GRID2: variants seen among roughly 807,000 people sequenced by gnomAD.
The protein encoded by GRID2 is glutamate ionotropic receptor delta type subunit 2.
A neutral mutation model predicts 114.8 loss-of-function variants in GRID2; 33 were observed. The observed-to-expected ratio is 0.29, with a 90% CI of 0.22 to 0.38. GRID2 has a LOEUF of 0.38. Ranked by LOEUF, GRID2 falls within the 10% of genes least tolerant of loss-of-function variation. GRID2 has a pLI of 1.00. For synonymous variants in GRID2, 505 were observed against 449.9 expected (o/e 1.12, Z -1.55); for missense variants, 1,184 against 1,257.7 (o/e 0.94, Z 0.89).
intron 10 of GRID2, among the ~76,000 whole-genome samples, chr4:93,436,968 G>A (rs933196851): frequency 1.3e-5 from 2 of 152,068 alleles, no homozygotes; most frequent in Admixed American, 6.6e-5. Context: ...ACAAAATAAT[G>A]TAAATGTGTT....
chr4:92,583,629 A>G (rs1728280383), intron 1 of GRID2, among the ~76,000 whole-genome samples: 1 of 147,178 alleles, frequency 6.8e-6, no homozygotes, highest in Admixed American at 6.7e-5. Flanking sequence ...TATCAACTTA[A>G]TTAATATTTC....
At chr4:92,340,769 A>G (rs1338156736) in intron 1 of GRID2, among the ~76,000 whole-genome samples, 2 of 152,150 alleles carry the variant, frequency 1.3e-5, no homozygotes, top group African/African-American at 2.4e-5. Context: ...TACCATATTT[A>G]TTATCAGCCT....
At chr4:93,729,595 G>T (rs754722963) in intron 14 of GRID2, among the ~76,000 whole-genome samples, 26 of 151,422 alleles carry the variant, frequency 1.7e-4, no homozygotes, top group Non-Finnish European at 2.9e-4. Flanking sequence ...GCACAGGCTG[G>T]AGTGCAGTGG....
At chr4:92,453,361 A>C (rs1004956428) in intron 1 of GRID2, among the ~76,000 whole-genome samples, 9 of 152,172 alleles carry the variant, frequency 5.9e-5, no homozygotes, top group Admixed American at 2.0e-4. Flanking sequence ...TCTTTTAGAA[A>C]TGGACCTGTC....
intron 2 of GRID2, among the ~76,000 whole-genome samples, chr4:92,897,266 T>A (rs2149476395): frequency 6.6e-6 from 1 of 152,258 alleles, no homozygotes; most frequent in South Asian, 2.1e-4. Context: ...TCTCCCCATG[T>A]CTCTCTAAGT....
intron 1 of GRID2, among the ~76,000 whole-genome samples, chr4:92,518,728 T>G (rs902906362): frequency 6.6e-6 from 1 of 151,860 alleles, no homozygotes; most frequent in Non-Finnish European, 1.5e-5. Flanking sequence ...AATAAATACA[T>G]AAAAGGTATT....
chr4:92,720,096 G>C (rs1199014103), intron 2 of GRID2, among the ~76,000 whole-genome samples: 1 of 152,004 alleles, frequency 6.6e-6, no homozygotes, highest in East Asian at 1.9e-4. Context: ...TGCATGTACT[G>C]TCTCCAGAAC....
At chr4:93,398,024 G>A (rs1157407252) in intron 9 of GRID2, among the ~76,000 whole-genome samples, 1 of 150,872 alleles carries the variant, frequency 6.6e-6, no homozygotes, top group Non-Finnish European at 1.5e-5. Flanking sequence ...TCTTTTGCAT[G>A]TATTGTCTTA....
intron 2 of GRID2, among the ~76,000 whole-genome samples, chr4:92,665,016 T>C (rs573066555): frequency 6.6e-6 from 1 of 150,466 alleles, no homozygotes; most frequent in East Asian, 1.9e-4. Context: ...CAGAGCTTAA[T>C]CTACTTATGT....
intron 1 of GRID2, among the ~76,000 whole-genome samples, chr4:92,502,890 G>C (rs1176275746): frequency 2.6e-5 from 4 of 151,626 alleles, no homozygotes; most frequent in Non-Finnish European, 5.9e-5. Flanking sequence ...GCTGATTTTT[G>C]TATTTTTAGT....
intron 2 of GRID2, among the ~76,000 whole-genome samples, chr4:92,784,713 A>T (rs1326919908): frequency 1.3e-5 from 2 of 151,900 alleles, no homozygotes; most frequent in African/African-American, 4.8e-5. Flanking sequence ...ATATTTGGGC[A>T]TTTTTAGGTT....
At chr4:93,769,882 T>A (rs915199522) in intron 15 of GRID2, among the ~76,000 whole-genome samples, 2 of 152,142 alleles carry the variant, frequency 1.3e-5, no homozygotes, top group Non-Finnish European at 2.9e-5. Flanking sequence ...ATAAAAATGA[T>A]CAGAATTTTC....
chr4:92,815,078 T>C (rs1740826515), intron 2 of GRID2, among the ~76,000 whole-genome samples: 1 of 152,150 alleles, frequency 6.6e-6, no homozygotes, highest in Non-Finnish European at 1.5e-5. Flanking sequence ...ATTGACTCTT[T>C]GAACAAATCA....
At chr4:92,697,215 CTTG>C (rs1734459371) in intron 2 of GRID2, among the ~76,000 whole-genome samples, 1 of 152,102 alleles carries the variant, frequency 6.6e-6, no homozygotes, top group East Asian at 1.9e-4. Context: ...GAGTAAATGT[CTTG>C]TTGTCTTAAT....
At chr4:92,787,567 A>C (rs1485722162) in intron 2 of GRID2, among the ~76,000 whole-genome samples, 2 of 151,900 alleles carry the variant, frequency 1.3e-5, no homozygotes, top group African/African-American at 4.8e-5. Context: ...CAGCAGAGTG[A>C]TATGATGTGG....
intron 10 of GRID2, among the ~76,000 whole-genome samples, chr4:93,433,307 G>A (rs903370276): frequency 6.6e-6 from 1 of 152,120 alleles, no homozygotes; most frequent in Non-Finnish European, 1.5e-5. Flanking sequence ...CATTTAGCCA[G>A]GTCTCAAAGT....
intron 2 of GRID2, among the ~76,000 whole-genome samples, chr4:92,682,714 A>C (rs1012642577): frequency 1.4e-4 from 21 of 149,716 alleles, no homozygotes; most frequent in Non-Finnish European, 3.0e-4. Context: ...ACACACACAC[A>C]CTCTTCACCT....
chr4:93,581,349 A>G (rs1736967650), intron 13 of GRID2, among the ~76,000 whole-genome samples: 3 of 152,190 alleles, frequency 2.0e-5, no homozygotes, highest in African/African-American at 7.2e-5. Context: ...AAGTAGAAAG[A>G]GTTATTTGTA....
intron 2 of GRID2, among the ~76,000 whole-genome samples, chr4:92,826,503 C>G (rs1482573284): frequency 6.6e-6 from 1 of 152,056 alleles, no homozygotes; most frequent in Non-Finnish European, 1.5e-5. Context: ...GTTATTCCCA[C>G]TGGAGTGTAA....
Sources: allele counts gnomAD v4.1 joint callset (sites outside exome capture counted in the v4.1 genomes callset), GRCh38; gene constraint gnomAD v4.1.1; transcripts MANE v1.5; gene names NCBI Gene and HGNC (gene_info 2026-07-23, HGNC 2026-07-21).